The following PTPRS variants were observed in gnomAD, a reference collection of about 807,000 sequenced individuals.
The protein encoded by PTPRS is protein tyrosine phosphatase receptor type S, also known as receptor-type tyrosine-protein phosphatase S.
In PTPRS, 63 loss-of-function variants were observed where a neutral mutation model predicts 215.3. The observed-to-expected ratio is 0.29, with a 90% CI of 0.24 to 0.36. PTPRS has a LOEUF of 0.36. Among genes scored for constraint, PTPRS ranks in the 10% least tolerant of loss-of-function variants. PTPRS has a pLI of 1.00. For synonymous variants in PTPRS, 1,404 were observed against 1,191.4 expected, an observed-to-expected ratio of 1.18 and a Z score of -3.68; for missense variants, 2,258 against 2,825.8, an observed-to-expected ratio of 0.80 and a Z score of 4.56.
chr19:5,227,871 G>A (rs997698352), intron 16 of PTPRS, among the ~76,000 whole-genome samples: 3 of 152,048 alleles, frequency 2.0e-5, no homozygotes, highest in Non-Finnish European at 4.4e-5. Context: ...CCGGGCACGC[G>A]GACTTGCACA....
rs1448286090 is a variant in PTPRS, at chr19:5,244,696, T to C, written c.989-214A>G. Among the ~76,000 whole-genome samples the C allele has an allele frequency of 6.6e-6, 1 of 152,214 alleles. No homozygotes were observed. Among genetic ancestry groups the C allele is most frequent in the Non-Finnish European group, 1.5e-5 (1 of 68,036 alleles). On this transcript the variant is annotated intron_variant, in intron 10 of 37. Coordinates refer to ENST00000262963, the MANE Select transcript of PTPRS (RefSeq NM_002850.4). The surrounding 1 kb of genome is among the most constrained non-coding windows in gnomAD (Gnocchi z 7.2). ...CCCATTTTCTTTTTTTAATTTTTCT[T>C]TGAGATGGAGTCTCACTCTGTCACC... is the stretch of plus-strand genomic sequence containing the variant.
At chr19:5,208,443 G>A (rs757008024) in intron 35 of PTPRS, 52 bp from the exon 36 acceptor site, 6 of 1,421,442 alleles carry the variant, frequency 4.2e-6, no homozygotes, top group African/African-American at 1.4e-5. Flanking sequence ...GGCCATGGGG[G>A]TTTTTCTCCA....
At chr19:5,219,031 A>G (rs1345218757) in intron 23 of PTPRS, 1 of 630,302 alleles carries the variant, frequency 1.6e-6, no homozygotes, top group Non-Finnish European at 2.7e-6. Context: ...TACAATTGCT[A>G]TCCTCATTGA....
In PTPRS at chr19:5,206,724, G is replaced by A. The variant is rs1312428003; in HGVS notation, c.*50C>T. The A allele has an allele frequency of 3.2e-6, 5 of 1,558,270 alleles. No individual in the cohort carries two copies. The Admixed American group carries it at 5.0e-5, about 16-fold the overall frequency. On this transcript the variant is annotated 3_prime_UTR_variant, in exon 38 of 38. Transcript: ENST00000262963. ...GGCCTCAGGAGGTCCGCCCGGGAGG[G>A]GCAGAGGCATCCGGGGCCAGTGGTG...
chr19:5,320,964 T>C (rs2050009885), intron 1 of PTPRS, among the ~76,000 whole-genome samples: 1 of 152,058 alleles, frequency 6.6e-6, no homozygotes. Flanking sequence ...TCTCAACGAA[T>C]GAGAAGAATA....
chr19:5,335,903 G>A (rs946064287), intron 1 of PTPRS, among the ~76,000 whole-genome samples: 13 of 151,966 alleles, frequency 8.6e-5, no homozygotes, highest in Non-Finnish European at 1.5e-4. Flanking sequence ...CCTTGATTCC[G>A]GGGAACAGAA....
In PTPRS at chr19:5,225,791, G is replaced by A. The variant is rs10415592; in HGVS notation, c.2430C>T (p.Ala810=). 0.084 allele frequency: 135,614 copies of A among 1,613,828 alleles called. 7,258 individuals are homozygous for A. The highest frequency in any genetic ancestry group is 0.26 in the African/African-American group (19,794 of 74,932). ...CGCCATCGCCCTTCATGGTGTAGGC[G>A]GCTACCGTGATGGAGTACGCGGTCT... is the stretch of plus-strand genomic sequence containing the variant. ...QPETAYSITV[A]AYTMKGDGAR... The change falls in exon 17 of 38, where the codon GCC becomes GCT. Residue 810 remains alanine, a synonymous_variant. Transcript: ENST00000262963.
chr19:5,266,735 ACCCTGCCTGCTTGCCCGCTGCTGGC>A (rs1327761063), intron 4 of PTPRS, among the ~76,000 whole-genome samples: 5 of 151,884 alleles, frequency 3.3e-5, no homozygotes. Flanking sequence ...CTCAGAAGGA[ACCCTGCCTGCTTGCCCGCTGCTGGC>A]CCCTGCCACC....
intron 16 of PTPRS, 103 bp downstream of exon 16, chr19:5,229,213 A>T: frequency 8.2e-7 from 1 of 1,223,834 alleles, no homozygotes; most frequent in East Asian, 3.1e-5. Context: ...CCAGAGGAGG[A>T]GACCGTTTTA....
At chr19:5,239,204 A>T in intron 12 of PTPRS, 141 bp from the exon 13 acceptor site, 3 of 583,398 alleles carry the variant, frequency 5.1e-6, no homozygotes, top group South Asian at 2.1e-5. Context: ...AAATAGAGAC[A>T]GGGGTGCGGC....
chr19:5,232,563 A>C (rs939615524), intron 13 of PTPRS, among the ~76,000 whole-genome samples: 7 of 143,714 alleles, frequency 4.9e-5, no homozygotes, highest in African/African-American at 1.5e-4. Flanking sequence ...CAGAAGCTCC[A>C]TTTATTAGGC....
intron 37 of PTPRS, among the ~76,000 whole-genome samples, chr19:5,207,230 G>A (rs749059007): frequency 6.6e-6 from 1 of 152,176 alleles, no homozygotes; most frequent in East Asian, 1.9e-4. Context: ...GATGACAGGC[G>A]TGTACCACCA....
chr19:5,216,829 T>G (rs1011247650), intron 25 of PTPRS, 62 bp from the exon 26 acceptor site: 2 of 1,103,622 alleles, frequency 1.8e-6, no homozygotes, highest in Admixed American at 2.0e-5. Flanking sequence ...GTCCCACCTC[T>G]GCCTCCCCCA....
chr19:5,339,360 G>C lies in PTPRS; in HGVS notation c.-95+1304C>G, dbSNP rs2050611199. ...TTCTTGGAAGCTGCATATTTAGGGA[G>C]ACGAGAAGACGATTTGAGACTGGGG... On this transcript the variant is annotated intron_variant, in intron 1 of 37. Coordinates refer to ENST00000262963, the MANE Select transcript of PTPRS (RefSeq NM_002850.4). This position sits in a 1 kb window ranked among gnomAD's most constrained non-coding sequence, Gnocchi z 4.2. 1.3e-5 allele frequency among the ~76,000 whole-genome samples: 2 copies of C among 152,084 alleles called. No individual in the cohort carries two copies. Among genetic ancestry groups the C allele is most frequent in the South Asian group, 4.2e-4 (2 of 4,818 alleles).
rs559966150 is a variant in PTPRS, at chr19:5,294,684, C to A, written c.-94-8450G>T. On this transcript the variant is annotated intron_variant, in intron 1 of 37. Transcript: ENST00000262963. The surrounding 1 kb of genome is among the most constrained non-coding windows in gnomAD (Gnocchi z 5.1). ...TCCCTCACTGGGGGATACCACACTGCCCCCTTCCCTTACCATGCCTCAGTT... is the reference window on the plus strand; with the variant it reads ...TCCCTCACTGGGGGATACCACACTGACCCCTTCCCTTACCATGCCTCAGTT... 1 of 152,356 alleles carries A rather than the reference C, an allele frequency of 6.6e-6. No individual in the cohort carries two copies. The highest frequency in any genetic ancestry group is 1.9e-4 in the East Asian group (1 of 5,176). The allele number at this position is 152,356 out of a possible 1,614,324, so 9.4% of individuals were successfully genotyped here. A position where few individuals can be genotyped will look rare whatever the true frequency, so the allele number is the denominator to read the frequency against.
chr19:5,236,231 C>T (rs540326544), intron 13 of PTPRS, among the ~76,000 whole-genome samples: 2 of 152,270 alleles, frequency 1.3e-5, no homozygotes, highest in South Asian at 4.1e-4. Flanking sequence ...TCAATCTTGC[C>T]GAAAAACCAG....
At chr19:5,266,360 C>A (rs1330688470) in intron 4 of PTPRS, among the ~76,000 whole-genome samples, 2 of 152,208 alleles carry the variant, frequency 1.3e-5, no homozygotes, top group East Asian at 3.9e-4. Context: ...CTCAAGGAAT[C>A]CTCCCACCTT....
intron 7 of PTPRS, 38 bp from the exon 8 acceptor site, chr19:5,258,165 G>T (rs1218475664): frequency 6.4e-7 from 1 of 1,557,586 alleles, no homozygotes; most frequent in South Asian, 1.1e-5. Flanking sequence ...CTGTTAGAGG[G>T]GGGCCCAGGA....
chr19:5,209,493 C>T (rs1404222058), intron 35 of PTPRS, among the ~76,000 whole-genome samples: 1 of 152,180 alleles, frequency 6.6e-6, no homozygotes, highest in African/African-American at 2.4e-5. Flanking sequence ...CCATCTTTCC[C>T]TGATGTTTTA....
Sources: gnomAD v4.1 joint callset for allele counts (sites outside exome capture counted in the v4.1 genomes callset) on GRCh38, gnomAD v4.1.1 for gene constraint, Gnocchi (gnomAD v3.1) non-coding constraint, MANE v1.5 for transcripts, NCBI Gene and HGNC (gene_info 2026-07-23, HGNC 2026-07-21) for gene names.